Variants in GABRG3 observed in about 807,000 individuals in gnomAD.
GABRG3 encodes gamma-aminobutyric acid receptor subunit gamma-3.
GABRG3 carries 25 observed loss-of-function variants against 48.8 expected under a neutral mutation model. That is an observed-to-expected ratio of 0.51 (90% CI 0.37 to 0.72). The LOEUF is 0.72. GABRG3 is among the 30% of genes least tolerant of loss of function. GABRG3 has a pLI of 0.00. For missense variants in GABRG3, 394 were observed against 577.9 expected, an observed-to-expected ratio of 0.68 and a Z score of 3.26; for synonymous variants, 227 against 217.6, an observed-to-expected ratio of 1.04 and a Z score of -0.38.
chr15:27,204,454 G>C (rs1888790479), intron 3 of GABRG3, among the ~76,000 whole-genome samples: 1 of 152,012 alleles, frequency 6.6e-6, no homozygotes, highest in Non-Finnish European at 1.5e-5. Context: ...TTATAGTATA[G>C]TTTGAAGTGA....
intron 5 of GABRG3, among the ~76,000 whole-genome samples, chr15:27,387,434 T>C (rs953596062): frequency 1.3e-5 from 2 of 152,192 alleles, no homozygotes; most frequent in Non-Finnish European, 1.5e-5. Context: ...GTTCGAAGCC[T>C]ATTCAACACT....
At chr15:27,192,257 T>A (rs1888339215) in intron 3 of GABRG3, among the ~76,000 whole-genome samples, 1 of 152,144 alleles carries the variant, frequency 6.6e-6, no homozygotes. Flanking sequence ...ATTTCCTGAA[T>A]CTGAACGTTG....
chr15:27,103,674 G>A (rs1452730714), intron 3 of GABRG3, among the ~76,000 whole-genome samples: 1 of 152,026 alleles, frequency 6.6e-6, no homozygotes, highest in African/African-American at 2.4e-5. Context: ...CAATACAACG[G>A]CCTATTAAAG....
At chr15:27,047,241 C>T (rs184668199) in intron 3 of GABRG3, among the ~76,000 whole-genome samples, 78 of 152,242 alleles carry the variant, frequency 5.1e-4, no homozygotes, top group African/African-American at 1.8e-3. Context: ...ATACTGCTGA[C>T]ATTATTGGAG....
Position 27,457,218 on chromosome 15 carries a change from G to A in GABRG3, c.575-23432G>A, listed in dbSNP as rs1486257053. ...CTGCAAGGCTGCAAGAACTGCCCAC[G>A]CTCCGACAGATGTACAGTGCAGGGC... On this transcript the variant is annotated intron_variant, in intron 5 of 9. Coordinates refer to ENST00000615808, the MANE Select transcript of GABRG3 (RefSeq NM_033223.5). This position sits in a 1 kb window ranked among gnomAD's most constrained non-coding sequence, Gnocchi z 4.4. Among the ~76,000 whole-genome samples the A allele has an allele frequency of 2.0e-5, 3 of 152,292 alleles. No individual in the cohort carries two copies. Among genetic ancestry groups the A allele is most frequent in the East Asian group, 3.9e-4 (2 of 5,168 alleles).
At position 27,146,934 on chromosome 15, in the gene GABRG3, TATTC is replaced by T. The variant is rs1220440021; in HGVS notation, c.270+120116_270+120119del. 1.4e-4 allele frequency among the ~76,000 whole-genome samples: 22 copies of T among 152,082 alleles called. 1 individual carries two copies. The highest frequency in any genetic ancestry group is 4.6e-4 in the African/African-American group (19 of 41,422). On this transcript the variant is annotated intron_variant, in intron 3 of 9. Coordinates refer to ENST00000615808, the MANE Select transcript of GABRG3 (RefSeq NM_033223.5). ...CAAAATGCAGATATAAATTCTACCT[TATTC>T]ATAATTACATTAAATGTAAATAGTT...
At chr15:27,278,120 C>T (rs757345761) in intron 3 of GABRG3, among the ~76,000 whole-genome samples, 9 of 151,704 alleles carry the variant, frequency 5.9e-5, no homozygotes, top group Non-Finnish European at 7.4e-5. Context: ...GGCATGATCT[C>T]CACTCACTGC....
chr15:26,992,237 A>T (rs886124692), intron 2 of GABRG3, among the ~76,000 whole-genome samples: 8 of 151,954 alleles, frequency 5.3e-5, no homozygotes, highest in African/African-American at 1.9e-4. Flanking sequence ...CTCTTCTCTG[A>T]TTGCTTTAGG....
rs553327452 is a variant in GABRG3, at chr15:27,024,404, C to T, written c.203-2350C>T. ...AATCCAATGTCAGGAAGCTTTCCGC[C>T]GTGTTTTCTTCTGATAGTTTTGTAG... On this transcript the variant is annotated intron_variant, in intron 2 of 9. Transcript: ENST00000615808. 2.6e-5 allele frequency among the ~76,000 whole-genome samples: 4 copies of T among 152,228 alleles called. No individual in the cohort carries two copies. The South Asian group carries it at 6.2e-4, about 24-fold the overall frequency.
At position 27,447,996 on chromosome 15, in the gene GABRG3, A is replaced by G. The variant is rs574710177; in HGVS notation, c.575-32654A>G. On this transcript the variant is annotated intron_variant, in intron 5 of 9. Transcript: ENST00000615808. This position sits in a 1 kb window ranked among gnomAD's most constrained non-coding sequence, Gnocchi z 4.0. ...GCACATGTATCCCAGAACTTAAAGT[A>G]TAATAAGATAAAATACACAAATAAA... Among the ~76,000 whole-genome samples the G allele has an allele frequency of 3.3e-5, 5 of 152,352 alleles. No individual in the cohort carries two copies. Among genetic ancestry groups the G allele is most frequent in the African/African-American group, 4.8e-5 (2 of 41,578 alleles).
At chr15:27,512,008 G>C (rs1890907187) in intron 6 of GABRG3, among the ~76,000 whole-genome samples, 1 of 152,168 alleles carries the variant, frequency 6.6e-6, no homozygotes, top group African/African-American at 2.4e-5. Context: ...GGCAAGAGCT[G>C]TTTCCTTGAC....
intron 3 of GABRG3, among the ~76,000 whole-genome samples, chr15:27,030,131 A>G (rs983759465): frequency 2.0e-5 from 3 of 152,232 alleles, no homozygotes; most frequent in Admixed American, 6.5e-5. Flanking sequence ...CAAGATGAGA[A>G]GAAGCACAAT....
intron 5 of GABRG3, among the ~76,000 whole-genome samples, chr15:27,477,706 T>C (rs971215891): frequency 2.6e-5 from 4 of 152,128 alleles, no homozygotes. Context: ...CACTCAGTTT[T>C]GCTGTGAACC....
chr15:27,474,084 C>T (rs1302662112), intron 5 of GABRG3, among the ~76,000 whole-genome samples: 1 of 100 alleles, frequency 0.01, no homozygotes, highest in Non-Finnish European at 0.019. Context: ...GGGCTGACTG[C>T]AGCCACACCA....
Position 27,236,290 on chromosome 15 carries a change from C to G in GABRG3, c.271-90519C>G, listed in dbSNP as rs527579240. 2.0e-5 allele frequency among the ~76,000 whole-genome samples: 3 copies of G among 152,194 alleles called. No homozygotes were observed. Among genetic ancestry groups the G allele is most frequent in the Non-Finnish European group, 4.4e-5 (3 of 68,048 alleles). On this transcript the variant is annotated intron_variant, in intron 3 of 9. Coordinates refer to ENST00000615808, the MANE Select transcript of GABRG3 (RefSeq NM_033223.5). This position sits in a 1 kb window ranked among gnomAD's most constrained non-coding sequence, Gnocchi z 4.4. ...TCTCCCAGGGTCTACTTGCACAGCA[C>G]TGGAGGGAGACTGAAGAGCAGAGCT...
intron 6 of GABRG3, among the ~76,000 whole-genome samples, chr15:27,513,028 G>A (rs1415331297): frequency 6.6e-6 from 1 of 151,990 alleles, no homozygotes. Context: ...GAAAATTTTA[G>A]CTCAAAACTG....
chr15:27,165,291 G>A (rs571424451), intron 3 of GABRG3, among the ~76,000 whole-genome samples: 1 of 152,250 alleles, frequency 6.6e-6, no homozygotes, highest in South Asian at 2.1e-4. Context: ...CAGTGCTGGC[G>A]AGGTCACCTA....
At chr15:27,085,316 C>G (rs1054815260) in intron 3 of GABRG3, among the ~76,000 whole-genome samples, 11 of 152,112 alleles carry the variant, frequency 7.2e-5, no homozygotes, top group African/African-American at 2.7e-4. Flanking sequence ...CTGATTGAGG[C>G]AAAATAACCT....
chr15:27,479,190 T>C (rs932545945), intron 5 of GABRG3, among the ~76,000 whole-genome samples: 3 of 152,028 alleles, frequency 2.0e-5, no homozygotes, highest in Admixed American at 6.6e-5. Context: ...GCATTATGTC[T>C]CAAATAAAGG....
Sources: gnomAD v4.1 joint callset for allele counts (sites outside exome capture counted in the v4.1 genomes callset) on GRCh38, gnomAD v4.1.1 for gene constraint, Gnocchi (gnomAD v3.1) non-coding constraint, MANE v1.5 for transcripts, NCBI Gene and HGNC (gene_info 2026-07-23, HGNC 2026-07-21) for gene names.